Variants in CCDC86 observed in about 807,000 individuals in gnomAD.
The protein encoded by CCDC86 is coiled-coil domain containing 86, also known as coiled-coil domain-containing protein 86.
CCDC86 carries 28 observed loss-of-function variants against 36.7 expected under a neutral mutation model. That is an observed-to-expected ratio of 0.76 (90% CI 0.57 to 1.05). The LOEUF (loss-of-function observed/expected upper bound fraction) is 1.05, where lower values mean the gene tolerates loss of function less well. Ranked by LOEUF, CCDC86 falls within the 50% of genes least tolerant of loss-of-function variation. The pLI is 0.00. For missense variants in CCDC86, 453 were observed against 470.2 expected (o/e 0.96, Z 0.34); for synonymous variants, 199 against 203.4 (o/e 0.98, Z 0.18).
chr11:60,845,652 C>T (rs1291292617), intron 1 of CCDC86, among the ~76,000 whole-genome samples: 1 of 152,256 alleles, frequency 6.6e-6, no homozygotes, highest in African/African-American at 2.4e-5. Flanking sequence ...TCTTCGTGCT[C>T]ATGCCAAACG....
At chr11:60,846,042 G>A (rs1790185866) in intron 1 of CCDC86, among the ~76,000 whole-genome samples, 1 of 152,196 alleles carries the variant, frequency 6.6e-6, no homozygotes, top group Admixed American at 6.5e-5. Flanking sequence ...AGCCACCCAT[G>A]ACTAGTGGCT....
At chr11:60,846,792 T>C (rs746787429) in intron 1 of CCDC86, among the ~76,000 whole-genome samples, 1 of 152,192 alleles carries the variant, frequency 6.6e-6, no homozygotes, top group Admixed American at 6.5e-5. Flanking sequence ...CAAGCTGGTC[T>C]CGAACTCCCG....
In CCDC86 at chr11:60,843,466, A is replaced by G. The variant is rs113425479; in HGVS notation, c.758+584A>G. On this transcript the variant is annotated intron_variant, in intron 1 of 3. Coordinates refer to ENST00000227520, the MANE Select transcript of CCDC86 (RefSeq NM_024098.4). The stretch of plus-strand genomic sequence containing the variant: ...TTTTTTGTGTGAGGAAACCAAGGCT[A>G]AATGAGTGGTAGGCACAGGACCTGA... 9.0e-3 allele frequency among the ~76,000 whole-genome samples: 1,366 copies of G among 152,306 alleles called. 6 individuals are homozygous for G. The highest frequency in any genetic ancestry group is 0.016 in the Non-Finnish European group (1,064 of 68,012).
At chr11:60,847,844 G>C (rs1855205833) in intron 1 of CCDC86, 80 bp from the exon 2 acceptor site, 2 of 1,473,610 alleles carry the variant, frequency 1.4e-6, no homozygotes, top group Non-Finnish European at 1.8e-6. Context: ...AGAAGGTCCA[G>C]AGCCTCCGGC....
rs1292162632 is a variant in CCDC86, at chr11:60,850,348, C to T, written c.*23C>T. 1.2e-6 allele frequency: 2 copies of T among 1,610,592 alleles called. No homozygotes were observed. The highest frequency in any genetic ancestry group is 1.7e-6 in the Non-Finnish European group (2 of 1,177,488). On this transcript the variant is annotated 3_prime_UTR_variant, in exon 4 of 4. Coordinates refer to ENST00000227520, the MANE Select transcript of CCDC86 (RefSeq NM_024098.4). ...TGAGCTCAGGACGGCCCGAGGCCTT[C>T]CATGGCCAACAACCATGTCAGACAC...
intron 1 of CCDC86, among the ~76,000 whole-genome samples, chr11:60,846,337 T>G (rs1855181958): frequency 6.6e-6 from 1 of 152,180 alleles, no homozygotes; most frequent in Non-Finnish European, 1.5e-5. Context: ...GGGCCAGAAG[T>G]CGGCAGGGCC....
In CCDC86 at chr11:60,842,620, G is replaced by A. The variant is rs1408733432; in HGVS notation, c.496G>A (p.Gly166Ser). ...CCCAGGATCACCAGAGCCTTACCCC[G>A]GTCAGCAAGCTCCCGGTCCGGAGCC... ...PVPGSPEPYP[G>S]QQAPGPEPSQ... The change falls in exon 1 of 4, where the codon GGT becomes AGT. Residue 166 changes from glycine to serine, a missense_variant. Physicochemically the swap from Gly to Ser is moderately conservative, Grantham distance 56. Coordinates refer to ENST00000227520, the MANE Select transcript of CCDC86 (RefSeq NM_024098.4). The A allele has an allele frequency of 1.9e-6, 3 of 1,613,614 alleles. No homozygotes were observed. Among genetic ancestry groups the A allele is most frequent in the South Asian group, 1.1e-5 (1 of 91,076 alleles).
rs1045666144 is a variant in CCDC86 at position 60,842,901 on chromosome 11, T to A, written c.758+19T>A. 5 of 1,541,648 alleles carry A rather than the reference T, an allele frequency of 3.2e-6. No homozygotes were observed. The Middle Eastern group carries it at 5.3e-4, about 162-fold the overall frequency. On this transcript the variant is annotated intron_variant, in intron 1 of 3. Transcript: ENST00000227520. ...AGAAAAGGTGAAGTGGGGGACAGCA[T>A]GGACAGGGGTGGCGTTCTCTATGGT...
chr11:60,848,196 AG>A (rs1855212025), intron 2 of CCDC86, 143 bp downstream of exon 2: 1 of 1,067,246 alleles, frequency 9.4e-7, no homozygotes, highest in African/African-American at 1.6e-5. Flanking sequence ...GGCCGGAGGG[AG>A]GAAGGGCACC....
At chr11:60,848,486 C>G (rs764882545) in intron 2 of CCDC86, among the ~76,000 whole-genome samples, 4 of 152,122 alleles carry the variant, frequency 2.6e-5, no homozygotes, top group Non-Finnish European at 5.9e-5. Context: ...AGAAGCAGCC[C>G]ACACACCAGC....
chr11:60,850,489 C>T lies in CCDC86; in HGVS notation c.*164C>T. ...TCCTCGGCCTTTGAAGGCTTCCAGG[C>T]AGGTCTGTGTGGGACAGAAGCCCAG... On this transcript the variant is annotated 3_prime_UTR_variant, in exon 4 of 4. Transcript: ENST00000227520. 1 of 913,222 alleles carries T rather than the reference C, an allele frequency of 1.1e-6. No homozygotes were observed. Among genetic ancestry groups the T allele is most frequent in the Non-Finnish European group, 1.6e-6 (1 of 623,474 alleles). The allele number at this position is 913,222 out of a possible 1,614,324, so 56.6% of individuals were successfully genotyped here. A position where few individuals can be genotyped will look rare whatever the true frequency, so the allele number is the denominator to read the frequency against.
chr11:60,847,709 A>T (rs1169811821), intron 1 of CCDC86: 1 of 463,062 alleles, frequency 2.2e-6, no homozygotes, highest in Non-Finnish European at 3.9e-6. Flanking sequence ...CCTCAGAGGC[A>T]TGTAGCCAAG....
At chr11:60,849,349 A>G (rs886928534) in intron 2 of CCDC86, among the ~76,000 whole-genome samples, 1 of 152,222 alleles carries the variant, frequency 6.6e-6, no homozygotes, top group African/African-American at 2.4e-5. Flanking sequence ...CACTTTAAAG[A>G]TGAAGAAGCT....
At chr11:60,847,318 G>A (rs1419298498) in intron 1 of CCDC86, among the ~76,000 whole-genome samples, 3 of 151,924 alleles carry the variant, frequency 2.0e-5, no homozygotes, top group African/African-American at 4.8e-5. Context: ...ATGTTTGCCC[G>A]GCTGGTCTCC....
intron 1 of CCDC86, among the ~76,000 whole-genome samples, chr11:60,846,775 T>C (rs1400164192): frequency 6.6e-6 from 1 of 152,114 alleles, no homozygotes; most frequent in Non-Finnish European, 1.5e-5. Flanking sequence ...GGTTTCTCCA[T>C]GTTGGTCAAG....
chr11:60,842,672 C>G lies in CCDC86; in HGVS notation c.548C>G (p.Pro183Arg). The change falls in exon 1 of 4, where the codon CCC becomes CGC. Residue 183 changes from proline (P) to arginine (R), a missense_variant. Coordinates refer to ENST00000227520, the MANE Select transcript of CCDC86 (RefSeq NM_024098.4). ...TCTCAGCCACTACTGGAGCTGACAC[C>G]CAGGGCACCTGGCTCCCCCCGGGGT... Reference protein sequence around the residue: ...EPSQPLLELTPRAPGSPRGQH... With the variant: ...EPSQPLLELTRRAPGSPRGQH... 2.5e-6 allele frequency: 4 copies of G among 1,613,894 alleles called. No individual in the cohort carries two copies. The highest frequency in any genetic ancestry group is 3.4e-6 in the Non-Finnish European group (4 of 1,179,980).
At chr11:60,847,740 C>T (rs902045312) in intron 1 of CCDC86, 184 bp from the exon 2 acceptor site, 3 of 624,766 alleles carry the variant, frequency 4.8e-6, no homozygotes, top group Non-Finnish European at 8.0e-6. Context: ...TGGCAGCCAG[C>T]ACGATCAGGG....
intron 1 of CCDC86, among the ~76,000 whole-genome samples, chr11:60,844,366 C>T (rs959356545): frequency 3.9e-5 from 6 of 152,220 alleles, no homozygotes; most frequent in African/African-American, 7.2e-5. Context: ...TCAGAGCATG[C>T]ACTCCAGACT....
At chr11:60,843,729 A>G (rs1236851484) in intron 1 of CCDC86, among the ~76,000 whole-genome samples, 3 of 152,182 alleles carry the variant, frequency 2.0e-5, no homozygotes, top group Non-Finnish European at 2.9e-5. Flanking sequence ...TTCAGTTCCA[A>G]TTCGAGCTAA....
Sources: gnomAD v4.1 joint callset for allele counts (sites outside exome capture counted in the v4.1 genomes callset) on GRCh38, gnomAD v4.1.1 for gene constraint, MANE v1.5 for transcripts, NCBI Gene and HGNC (gene_info 2026-07-23, HGNC 2026-07-21) for gene names.